The following ADAM12 variants were observed in gnomAD, a reference collection of about 807,000 sequenced individuals.
ADAM12 encodes the protein ADAM metallopeptidase domain 12.
ADAM12 carries 70 observed loss-of-function variants against 106.4 expected under a neutral mutation model. That is an observed-to-expected ratio of 0.66 (90% confidence interval 0.54 to 0.80). The LOEUF (loss-of-function observed/expected upper bound fraction) is 0.80. ADAM12 is among the 30% of genes least tolerant of loss of function. The pLI, the probability that ADAM12 is intolerant of heterozygous loss-of-function variation, is 0.00. For missense variants in ADAM12, 1,010 were observed against 1,171.9 expected (o/e 0.86, Z 2.02); for synonymous variants, 420 against 433.5 (o/e 0.97, Z 0.39).
intron 6 of ADAM12, among the ~76,000 whole-genome samples, chr10:126,113,690 ATATATATATATATATATATATATAT>A (rs1955922295): frequency 7.2e-5 from 1 of 13,894 alleles, no homozygotes; most frequent in South Asian, 3.5e-3. Context: ...AAAAAAAAAT[ATATATATATATATATATATATATAT>A]ATATATATAT....
Position 126,071,669 on chromosome 10 carries a change from C to A in ADAM12, c.1146-15G>T. On this transcript the variant is annotated splice_polypyrimidine_tract_variant and intron_variant, in intron 11 of 22. Transcript: ENST00000448723. ...GAAATGGGTACCTGAGAAAGGAGAG[C>A]CCAGAACAGTAAGTCACAGGGCATG... 6.2e-7 allele frequency: 1 copy of A among 1,613,102 alleles called. No individual in the cohort carries two copies. Among genetic ancestry groups the A allele is most frequent in the East Asian group, 2.2e-5 (1 of 44,846 alleles).
chr10:126,159,172 C>T (rs1676730), intron 3 of ADAM12, among the ~76,000 whole-genome samples: 101,555 of 151,612 alleles, frequency 0.67, 34,707 homozygotes, highest in Admixed American at 0.77. Context: ...TAGCCGGGCA[C>T]GGTGGTGGGT....
At chr10:126,113,726 ATATAT>A (rs1565067855) in intron 6 of ADAM12, among the ~76,000 whole-genome samples, 381 of 37,724 alleles carry the variant, frequency 0.01, 25 homozygotes, top group East Asian at 0.021. Flanking sequence ...ATATATATAT[ATATAT>A]AATATATTGC....
intron 2 of ADAM12, among the ~76,000 whole-genome samples, chr10:126,325,087 A>C (rs1412713513): frequency 2.6e-5 from 4 of 152,164 alleles, no homozygotes; most frequent in Admixed American, 2.0e-4. Flanking sequence ...AGAGGACACC[A>C]AGAATGAGGG....
intron 1 of ADAM12, among the ~76,000 whole-genome samples, chr10:126,346,251 C>T (rs996801099): frequency 6.6e-6 from 1 of 152,110 alleles, no homozygotes; most frequent in African/African-American, 2.4e-5. Context: ...CAAAGAACAT[C>T]TTTATTTCTG....
At chr10:126,205,453 C>A (rs769248132) in intron 3 of ADAM12, among the ~76,000 whole-genome samples, 22 of 152,224 alleles carry the variant, frequency 1.4e-4, no homozygotes, top group Admixed American at 6.5e-4. Flanking sequence ...TTAATGTCAG[C>A]AAGAGTTGTA....
chr10:126,322,662 G>A (rs994585691), intron 2 of ADAM12, among the ~76,000 whole-genome samples: 2 of 152,332 alleles, frequency 1.3e-5, no homozygotes, highest in Admixed American at 1.3e-4. Context: ...ATGGCATCAG[G>A]TCACAAGGCC....
rs1369632951 is a variant in ADAM12 at position 126,019,680 on chromosome 10, G to A, written c.2660+15C>T. On this transcript the variant is annotated intron_variant, in intron 22 of 22. Transcript: ENST00000448723. ...TTTGAGAGAGAAAGAGATGGGCATG[G>A]CATGTCACACAAACCTGAGGGGTGC... is the stretch of plus-strand genomic sequence containing the variant. 3.1e-6 allele frequency: 5 copies of A among 1,611,084 alleles called. No individual in the cohort carries two copies. The highest frequency in any genetic ancestry group is 1.1e-5 in the South Asian group (1 of 90,516).
intron 1 of ADAM12, among the ~76,000 whole-genome samples, chr10:126,353,844 T>C (rs1855450060): frequency 6.6e-6 from 1 of 152,190 alleles, no homozygotes; most frequent in South Asian, 2.1e-4. Context: ...CAGTCATCTG[T>C]AGGCTTCCAG....
chr10:126,108,739 T>C (rs1955819520), intron 7 of ADAM12, 75 bp from the exon 8 acceptor site: 1 of 1,377,190 alleles, frequency 7.3e-7, no homozygotes, highest in Non-Finnish European at 1.0e-6. Context: ...CTTCTGGAAA[T>C]GTGAAGTCTT....
In ADAM12 at chr10:126,388,436, G is replaced by A. The variant is rs952467642; in HGVS notation, c.-291C>T. On this transcript the variant is annotated 5_prime_UTR_variant, in exon 1 of 23. Coordinates refer to ENST00000448723, the MANE Select transcript of ADAM12 (RefSeq NM_001288973.2). This position sits in a 1 kb window ranked among gnomAD's most constrained non-coding sequence, Gnocchi z 4.4. ...AGCAAACTGTCCGAGTTGGCCCGGG[G>A]ACTAGGAAGAGCGTTAGTGAGAGAA... 1 of 258,894 alleles carries A rather than the reference G, an allele frequency of 3.9e-6. No individual in the cohort carries two copies. Among genetic ancestry groups the A allele is most frequent in the African/African-American group, 2.2e-5 (1 of 44,568 alleles). 16.0% of individuals were successfully genotyped at this position (258,894 alleles called of 1,614,324 possible).
At chr10:126,169,215 C>T (rs1957076969) in intron 3 of ADAM12, among the ~76,000 whole-genome samples, 2 of 152,190 alleles carry the variant, frequency 1.3e-5, no homozygotes, top group South Asian at 4.1e-4. Context: ...ACTTTCTCTG[C>T]CTCGCCAACT....
At chr10:126,168,149 T>C (rs1221704438) in intron 3 of ADAM12, among the ~76,000 whole-genome samples, 1 of 152,244 alleles carries the variant, frequency 6.6e-6, no homozygotes, top group Non-Finnish European at 1.5e-5. Context: ...TCAGCTGGGC[T>C]AACTGATGGG....
rs558359391 is a variant in ADAM12 at position 126,190,092 on chromosome 10, G to C, written c.261-34787C>G. Among the ~76,000 whole-genome samples, 3 of 152,266 alleles carry C rather than the reference G, an allele frequency of 2.0e-5. No homozygotes were observed. In the East Asian group the frequency reaches 5.8e-4, roughly 29 times the overall value. On this transcript the variant is annotated intron_variant, in intron 3 of 22. Transcript: ENST00000448723. Reference sequence around the variant, plus strand: ...GGCAGTCACTAAGGACCGGGGCCAGGCTTCCCCACCTGTTGAGACATCCCA... The same window carrying C: ...GGCAGTCACTAAGGACCGGGGCCAGCCTTCCCCACCTGTTGAGACATCCCA...
chr10:126,152,217 CT>C (rs1363151474), intron 4 of ADAM12, among the ~76,000 whole-genome samples: 1 of 151,910 alleles, frequency 6.6e-6, no homozygotes, highest in East Asian at 1.9e-4. Context: ...GTATTGAAAG[CT>C]TTTTTGGTAA....
At chr10:126,091,065 A>G (rs1239639997) in intron 11 of ADAM12, 1 of 152,268 alleles carries the variant, frequency 6.6e-6, no homozygotes. Context: ...AAAGTGAGCC[A>G]TCACACGGAA....
intron 18 of ADAM12, among the ~76,000 whole-genome samples, chr10:126,040,913 C>T (rs1014372304): frequency 2.0e-5 from 3 of 152,140 alleles, no homozygotes; most frequent in African/African-American, 7.2e-5. Context: ...AGGACCAGCA[C>T]GAGCACCGTG....
In ADAM12 at chr10:126,155,102, C is replaced by G. The variant is rs569848556; in HGVS notation, c.339+125G>C. The G allele has an allele frequency of 5.9e-6, 6 of 1,022,904 alleles. No individual in the cohort carries two copies. In the Admixed American group the frequency reaches 6.0e-5, roughly 10 times the overall value. 63.4% of individuals were successfully genotyped at this position (1,022,904 alleles called of 1,614,324 possible). A position where few individuals can be genotyped will look rare whatever the true frequency, so the allele number is the denominator to read the frequency against. ...CGCCTACCACTAAGGGACACACCAG[C>G]GCTTCTTGGGGGGGCCTAAGTTAAG... On this transcript the variant is annotated intron_variant, in intron 4 of 22. Coordinates refer to ENST00000448723, the MANE Select transcript of ADAM12 (RefSeq NM_001288973.2).
intron 5 of ADAM12, among the ~76,000 whole-genome samples, chr10:126,124,115 G>A (rs1956160021): frequency 1.3e-5 from 2 of 152,106 alleles, no homozygotes; most frequent in Admixed American, 1.3e-4. Flanking sequence ...CGGCAAGCAG[G>A]ACAGTGGCAC....
Sources: allele counts gnomAD v4.1 joint callset (sites outside exome capture counted in the v4.1 genomes callset), GRCh38; gene constraint gnomAD v4.1.1; non-coding constraint Gnocchi (gnomAD v3.1); transcripts MANE v1.5; gene names NCBI Gene and HGNC (gene_info 2026-07-23, HGNC 2026-07-21).